The following DOCK1 variants were observed in gnomAD, a reference collection of about 807,000 sequenced individuals.
DOCK1 encodes dedicator of cytokinesis protein 1.
DOCK1 carries 138 observed loss-of-function variants against 262.7 expected under a neutral mutation model. That is an observed-to-expected ratio of 0.53 (90% CI 0.46 to 0.61). DOCK1 has a LOEUF of 0.61. Among genes scored for constraint, DOCK1 ranks in the 20% least tolerant of loss-of-function variants. The pLI is 0.00. For synonymous variants in DOCK1, 866 were observed against 867.4 expected (o/e 1.00, Z 0.03); for missense variants, 1,908 against 2,370.7 (o/e 0.80, Z 4.05).
In DOCK1 at chr10:127,034,021, C is replaced by T. The variant is rs147736569; in HGVS notation, c.1912+1701C>T. ...TAGCTTGTGGTTGTGTAGTGGTCTC[C>T]ATGAGCATATGAAAAGCCTTACCTG... On this transcript the variant is annotated intron_variant, in intron 18 of 51. Coordinates refer to ENST00000623213, the MANE Select transcript of DOCK1 (RefSeq NM_001290223.2). 2.7e-3 allele frequency among the ~76,000 whole-genome samples: 417 copies of T among 152,250 alleles called. 1 individual carries two copies. The highest frequency in any genetic ancestry group is 8.8e-3 in the African/African-American group (366 of 41,552).
At chr10:127,330,607 G>A (rs144748661) in intron 29 of DOCK1, among the ~76,000 whole-genome samples, 1 of 152,122 alleles carries the variant, frequency 6.6e-6, no homozygotes, top group Non-Finnish European at 1.5e-5. Context: ...GAATCATAAG[G>A]TACATAAATT....
chr10:127,166,818 T>A (rs968444985), intron 27 of DOCK1, among the ~76,000 whole-genome samples: 5 of 152,156 alleles, frequency 3.3e-5, no homozygotes, highest in Admixed American at 2.0e-4. Context: ...ATCCATAAAT[T>A]CCATAAATGT....
At chr10:127,401,960 G>A (rs2067250373) in intron 38 of DOCK1, among the ~76,000 whole-genome samples, 1 of 152,210 alleles carries the variant, frequency 6.6e-6, no homozygotes, top group Admixed American at 6.5e-5. Context: ...AGCCTGGCCT[G>A]TTGGGTGGTT....
intron 31 of DOCK1, among the ~76,000 whole-genome samples, chr10:127,350,152 A>C (rs141865543): frequency 3.3e-5 from 5 of 152,246 alleles, no homozygotes; most frequent in Non-Finnish European, 7.3e-5. Flanking sequence ...GCATCATTTC[A>C]TAAAACTTTA....
intron 29 of DOCK1, among the ~76,000 whole-genome samples, chr10:127,280,220 G>C (rs963398379): frequency 4.6e-5 from 7 of 151,350 alleles, no homozygotes; most frequent in African/African-American, 1.7e-4. Flanking sequence ...ATTTTTAGTA[G>C]AGACGGGGTT....
intron 38 of DOCK1, among the ~76,000 whole-genome samples, chr10:127,400,640 A>AG (rs780652092): frequency 6.6e-6 from 1 of 152,232 alleles, no homozygotes; most frequent in African/African-American, 2.4e-5. Flanking sequence ...CCACCTGACA[A>AG]GGTGATTGGA....
At chr10:127,052,292 AG>A (rs1470063500) in intron 21 of DOCK1, among the ~76,000 whole-genome samples, 3 of 152,288 alleles carry the variant, frequency 2.0e-5, no homozygotes, top group African/African-American at 7.2e-5. Context: ...TGGGAGGCCA[AG>A]GGGGGTGGAT....
Position 127,406,281 on chromosome 10 carries a change from C to T in DOCK1, c.4122+1852C>T, listed in dbSNP as rs1249570445. Among the ~76,000 whole-genome samples the T allele has an allele frequency of 2.6e-5, 4 of 152,210 alleles. 1 individual carries two copies. Among genetic ancestry groups the T allele is most frequent in the Middle Eastern group, 6.8e-3 (2 of 294 alleles). ...TATTATGTGAGGGCAGTGCCGGGTGCGGAGGACACGTTGCAGCTCCCGAGC... is the reference window on the plus strand; with the variant it reads ...TATTATGTGAGGGCAGTGCCGGGTGTGGAGGACACGTTGCAGCTCCCGAGC... On this transcript the variant is annotated intron_variant, in intron 40 of 51. Coordinates refer to ENST00000623213, the MANE Select transcript of DOCK1 (RefSeq NM_001290223.2).
intron 40 of DOCK1, 139 bp from the exon 41 acceptor site, chr10:127,408,898 A>G: frequency 8.6e-7 from 1 of 1,163,720 alleles, no homozygotes; most frequent in South Asian, 1.7e-5. Flanking sequence ...ACAAAAAAAA[A>G]TAAAAATTAC....
chr10:126,918,874 G>T (rs139367238), intron 1 of DOCK1, among the ~76,000 whole-genome samples: 1 of 110,228 alleles, frequency 9.1e-6, no homozygotes, highest in Non-Finnish European at 2.1e-5. Flanking sequence ...GGTCTGGCAG[G>T]GTGTGCAGGT....
chr10:127,123,932 C>T (rs2049778626), intron 25 of DOCK1, among the ~76,000 whole-genome samples: 1 of 152,200 alleles, frequency 6.6e-6, no homozygotes, highest in Non-Finnish European at 1.5e-5. Context: ...TTAACAGGTA[C>T]ATTCTTATTT....
intron 21 of DOCK1, among the ~76,000 whole-genome samples, chr10:127,050,704 GAAA>G (rs112955723): frequency 2.6e-5 from 3 of 117,326 alleles, no homozygotes; most frequent in African/African-American, 9.4e-5. Context: ...GACTCTGTCT[GAAA>G]AAAAAAAAAA....
At chr10:127,433,463 G>T (rs769356853) in intron 48 of DOCK1, 35 bp downstream of exon 48, 1 of 1,609,380 alleles carries the variant, frequency 6.2e-7, no homozygotes, top group Non-Finnish European at 8.5e-7. Context: ...GAGCTGAGCA[G>T]TGAGGGCTTG....
rs367689301 is a variant in DOCK1 at position 127,163,400 on chromosome 10, C to T, written c.2847+35636C>T. The stretch of plus-strand genomic sequence containing the variant: ...ATTTCGCTTTCCCTGTCTCCCTCCA[C>T]GAGAAGGTCAACACAATGTGGGCAG... On this transcript the variant is annotated intron_variant, in intron 27 of 51. Transcript: ENST00000623213. Among the ~76,000 whole-genome samples the T allele has an allele frequency of 7.4e-4, 113 of 152,190 alleles. 1 individual carries two copies. The South Asian group carries it at 0.021, about 28-fold the overall frequency.
intron 27 of DOCK1, among the ~76,000 whole-genome samples, chr10:127,163,883 C>T (rs1246330872): frequency 7.0e-6 from 1 of 142,544 alleles, no homozygotes; most frequent in Non-Finnish European, 1.5e-5. Context: ...CAGTGGCTTT[C>T]TTTCGATGGT....
intron 28 of DOCK1, 110 bp downstream of exon 28, chr10:127,248,219 G>A: frequency 4.1e-6 from 4 of 965,332 alleles, no homozygotes; most frequent in Non-Finnish European, 6.2e-6. Flanking sequence ...ATGAGAACTT[G>A]TCTCTGATTG....
intron 27 of DOCK1, among the ~76,000 whole-genome samples, chr10:127,186,284 A>G (rs2056223509): frequency 6.6e-6 from 1 of 152,196 alleles, no homozygotes. Context: ...GGGAGGCCTC[A>G]AGAAACTTAA....
chr10:127,415,074 T>TAA (rs1262672237), intron 43 of DOCK1, 78 bp from the exon 44 acceptor site: 3 of 1,365,030 alleles, frequency 2.2e-6, no homozygotes, highest in Admixed American at 3.9e-5. Context: ...AGTTATTCTA[T>TAA]AAATCCCCCT....
chr10:127,191,882 C>CT (rs1274789753), intron 27 of DOCK1, among the ~76,000 whole-genome samples: 2 of 152,184 alleles, frequency 1.3e-5, no homozygotes, highest in African/African-American at 4.8e-5. Flanking sequence ...GTGAGAGCAA[C>CT]TTTTATTTGC....
Sources: gnomAD v4.1 joint callset for allele counts (sites outside exome capture counted in the v4.1 genomes callset) on GRCh38, gnomAD v4.1.1 for gene constraint, MANE v1.5 for transcripts, NCBI Gene and HGNC (gene_info 2026-07-23, HGNC 2026-07-21) for gene names.